FHIP1A: variants seen among roughly 807,000 people sequenced by gnomAD.
FHIP1A encodes the protein FHF complex subunit HOOK-interacting protein 1A.
A neutral mutation model predicts 88.6 loss-of-function variants in FHIP1A; 61 were observed. The ratio of observed to expected loss-of-function variants is 0.69; its 90% CI spans 0.56 to 0.85. The LOEUF is 0.85. FHIP1A is among the 40% of genes least tolerant of loss of function. The pLI, the probability that FHIP1A is intolerant of heterozygous loss-of-function variation, is 0.00. For synonymous variants in FHIP1A, 478 were observed against 496.0 expected, an observed-to-expected ratio of 0.96 and a Z score of 0.48; for missense variants, 1,154 against 1,273.5, an observed-to-expected ratio of 0.91 and a Z score of 1.43.
intron 3 of FHIP1A, among the ~76,000 whole-genome samples, chr4:151,507,654 T>C (rs1358448706): frequency 6.6e-6 from 1 of 152,056 alleles, no homozygotes; most frequent in Non-Finnish European, 1.5e-5. Context: ...GGCTATTAAG[T>C]GAACAAGGGC....
chr4:151,536,445 C>T (rs1055602040), intron 3 of FHIP1A, among the ~76,000 whole-genome samples: 7 of 152,274 alleles, frequency 4.6e-5, no homozygotes, highest in African/African-American at 1.2e-4. Flanking sequence ...CACCACTTCC[C>T]TCCTGCCCTC....
intron 7 of FHIP1A, among the ~76,000 whole-genome samples, chr4:151,597,610 C>G (rs570902870): frequency 1.3e-5 from 2 of 152,182 alleles, no homozygotes; most frequent in Non-Finnish European, 2.9e-5. Context: ...AGGTTTAAGT[C>G]TGCTGAGGCT....
chr4:151,658,459 TG>T (rs1181655448), intron 13 of FHIP1A, among the ~76,000 whole-genome samples: 3 of 152,182 alleles, frequency 2.0e-5, no homozygotes, highest in Non-Finnish European at 4.4e-5. Context: ...ATGGAGGTGA[TG>T]GGGGTGTTTC....
Position 151,446,581 on chromosome 4 carries a change from CTTTTTTTT to C in FHIP1A, c.-355-8108_-355-8101del, listed in dbSNP as rs35115788. ...TAAATATGAATGTGTTGTTCTTTTT[CTTTTTTTT>C]TTTTTTTTTTTGGTTGTGGTTTAAT... is the stretch of plus-strand genomic sequence containing the variant. On this transcript the variant is annotated intron_variant, in intron 1 of 13. Transcript: ENST00000435205. Among the ~76,000 whole-genome samples the C allele has an allele frequency of 2.1e-4, 23 of 109,982 alleles. No individual in the cohort carries two copies. The East Asian group carries it at 2.1e-3, about 10-fold the overall frequency. The allele number at this position is 109,982 out of a possible 152,430, so 72.2% of individuals were successfully genotyped here. A position where few individuals can be genotyped will look rare whatever the true frequency, so the allele number is the denominator to read the frequency against.
intron 11 of FHIP1A, among the ~76,000 whole-genome samples, chr4:151,655,204 T>G (rs1737186973): frequency 6.6e-6 from 1 of 152,238 alleles, no homozygotes; most frequent in Non-Finnish European, 1.5e-5. Flanking sequence ...ATGCCATGGT[T>G]TAGTAGCATC....
intron 7 of FHIP1A, among the ~76,000 whole-genome samples, chr4:151,621,509 A>G (rs1374268054): frequency 1.5e-5 from 2 of 136,620 alleles, no homozygotes; most frequent in East Asian, 4.9e-4. Flanking sequence ...CCACTGCCGA[A>G]TGATACATTT....
chr4:151,430,944 T>C (rs994817842), intron 1 of FHIP1A, among the ~76,000 whole-genome samples: 1 of 152,246 alleles, frequency 6.6e-6, no homozygotes, highest in African/African-American at 2.4e-5. Flanking sequence ...TAGCTTTCAT[T>C]TGCTTTTTGT....
At chr4:151,494,188 A>G (rs1159683237) in intron 3 of FHIP1A, among the ~76,000 whole-genome samples, 1 of 152,092 alleles carries the variant, frequency 6.6e-6, no homozygotes, top group Non-Finnish European at 1.5e-5. Flanking sequence ...CTCTGTTGAT[A>G]GTTTTTTTGC....
intron 2 of FHIP1A, among the ~76,000 whole-genome samples, chr4:151,466,970 T>C (rs1163505638): frequency 1.3e-5 from 2 of 151,972 alleles, no homozygotes; most frequent in African/African-American, 2.4e-5. Context: ...AAAGCCAAAA[T>C]TGAGAAATGG....
At chr4:151,459,038 T>G (rs1268140224) in intron 2 of FHIP1A, among the ~76,000 whole-genome samples, 1 of 152,156 alleles carries the variant, frequency 6.6e-6, no homozygotes, top group Non-Finnish European at 1.5e-5. Flanking sequence ...CTAAGTGACT[T>G]TAACACAAGG....
chr4:151,455,202 A>C (rs1341325722), intron 2 of FHIP1A, among the ~76,000 whole-genome samples: 1 of 152,236 alleles, frequency 6.6e-6, no homozygotes, highest in Non-Finnish European at 1.5e-5. Flanking sequence ...CAGTTTGTAC[A>C]CTTACTGGTT....
intron 9 of FHIP1A, among the ~76,000 whole-genome samples, chr4:151,642,234 A>C (rs982890706): frequency 1.2e-4 from 19 of 152,148 alleles, no homozygotes; most frequent in African/African-American, 4.6e-4. Context: ...TGTGCCTGGA[A>C]CCTCCCAGTT....
rs80059785 is a variant in FHIP1A at position 151,528,165 on chromosome 4, A to T, written c.-122-37973A>T. Among the ~76,000 whole-genome samples the T allele has an allele frequency of 6.7e-3, 1,020 of 152,310 alleles. 12 individuals are homozygous for T. Among genetic ancestry groups the T allele is most frequent in the African/African-American group, 0.024 (991 of 41,564 alleles). ...GTGACTGAAGGAAGAGCTAATAGGA[A>T]CAGTAATTTTCATGGCCAGTTGAGT... On this transcript the variant is annotated intron_variant, in intron 3 of 13. Transcript: ENST00000435205.
At chr4:151,549,275 G>A (rs571854036) in intron 3 of FHIP1A, among the ~76,000 whole-genome samples, 1 of 152,260 alleles carries the variant, frequency 6.6e-6, no homozygotes, top group African/African-American at 2.4e-5. Context: ...AATCAAGTGG[G>A]CAAAGAGAAC....
intron 2 of FHIP1A, among the ~76,000 whole-genome samples, chr4:151,473,319 T>C (rs1039249845): frequency 1.3e-5 from 2 of 152,150 alleles, no homozygotes; most frequent in African/African-American, 4.8e-5. Context: ...CTTATCTTTT[T>C]TTTAAAATTT....
At chr4:151,473,072 A>T (rs574512318) in intron 2 of FHIP1A, among the ~76,000 whole-genome samples, 8 of 152,168 alleles carry the variant, frequency 5.3e-5, no homozygotes, top group Admixed American at 3.3e-4. Context: ...CTGAAATTTT[A>T]TGTCTCTGTT....
At chr4:151,429,848 CAAAAAAA>C (rs34699507) in intron 1 of FHIP1A, among the ~76,000 whole-genome samples, 1 of 105,602 alleles carries the variant, frequency 9.5e-6, no homozygotes, top group African/African-American at 3.5e-5. Context: ...GACTCTATCT[CAAAAAAA>C]AAAAAAAAAA....
intron 3 of FHIP1A, among the ~76,000 whole-genome samples, chr4:151,551,115 C>A (rs1365186573): frequency 6.6e-6 from 1 of 152,146 alleles, no homozygotes; most frequent in Non-Finnish European, 1.5e-5. Context: ...CTTTTTGGTC[C>A]TGGAGGGATT....
At chr4:151,511,751 C>T (rs1427827677) in intron 3 of FHIP1A, among the ~76,000 whole-genome samples, 1 of 152,252 alleles carries the variant, frequency 6.6e-6, no homozygotes. Context: ...CCGCCATTGC[C>T]CAGGCTTGCT....
Sources: gnomAD v4.1 joint callset for allele counts (sites outside exome capture counted in the v4.1 genomes callset) on GRCh38, gnomAD v4.1.1 for gene constraint, MANE v1.5 for transcripts, NCBI Gene and HGNC (gene_info 2026-07-23, HGNC 2026-07-21) for gene names.